The following CUBN variants were observed in gnomAD, a reference collection of about 807,000 sequenced individuals.
CUBN encodes the protein cubilin.
Under a neutral mutation model 405.3 loss-of-function variants are expected in CUBN, and 282 were observed. That is an observed-to-expected ratio of 0.70 (90% CI 0.63 to 0.77). The LOEUF (loss-of-function observed/expected upper bound fraction) is 0.77, where lower values mean the gene tolerates loss of function less well. CUBN is among the 30% of genes least tolerant of loss of function. The pLI, the probability that CUBN is intolerant of heterozygous loss-of-function variation, is 0.00. For synonymous variants in CUBN, 1,684 were observed against 1,617.0 expected (o/e 1.04, Z -0.99); for missense variants, 4,514 against 4,475.2 (o/e 1.01, Z -0.25).
chr10:17,055,044 C>T (rs1231899388), intron 22 of CUBN, among the ~76,000 whole-genome samples: 1 of 151,976 alleles, frequency 6.6e-6, no homozygotes, highest in Non-Finnish European at 1.5e-5. Flanking sequence ...AAAATTTTAG[C>T]ATAACAATTC....
intron 22 of CUBN, among the ~76,000 whole-genome samples, chr10:17,049,526 T>G (rs766939905): frequency 6.7e-4 from 102 of 152,288 alleles, no homozygotes; most frequent in Non-Finnish European, 1.3e-3. Flanking sequence ...ATGGGTAGTT[T>G]CCCTTTATCT....
intron 27 of CUBN, among the ~76,000 whole-genome samples, chr10:17,028,226 TTTA>T (rs57633202): frequency 0.52 from 75,367 of 143,826 alleles, 20,751 homozygotes; most frequent in East Asian, 0.78. Flanking sequence ...ACACTAAACA[TTTA>T]TTATTATTAT....
chr10:16,944,194 C>A (rs1011700480), intron 36 of CUBN, among the ~76,000 whole-genome samples: 2 of 152,286 alleles, frequency 1.3e-5, no homozygotes, highest in Middle Eastern at 3.4e-3. Flanking sequence ...GATTGCACTG[C>A]ACTTTGAATA....
chr10:16,914,908 TAA>T, intron 47 of CUBN, 122 bp downstream of exon 47: 6 of 843,738 alleles, frequency 7.1e-6, no homozygotes, highest in East Asian at 2.7e-5. Context: ...AATTTCTGAT[TAA>T]GGTCCAAGAA....
intron 29 of CUBN, among the ~76,000 whole-genome samples, chr10:16,989,800 G>A (rs1487283020): frequency 3.3e-5 from 5 of 152,162 alleles, no homozygotes; most frequent in South Asian, 2.1e-4. Flanking sequence ...TGGCCCTGGC[G>A]GCCCCTTGAA....
intron 60 of CUBN, among the ~76,000 whole-genome samples, chr10:16,850,025 G>A (rs1328195709): frequency 3.9e-5 from 6 of 152,162 alleles, no homozygotes; most frequent in East Asian, 3.9e-4. Flanking sequence ...GCCTCTTTAC[G>A]CTTTCGAGAA....
intron 54 of CUBN, among the ~76,000 whole-genome samples, chr10:16,893,317 T>G: frequency 6.6e-6 from 1 of 152,334 alleles, no homozygotes; most frequent in South Asian, 2.1e-4. Context: ...CTTGCAAAAC[T>G]GTAGTATACT....
At chr10:16,901,515 A>T (rs1447081573) in intron 51 of CUBN, 56 bp from the exon 52 acceptor site, 4 of 1,604,238 alleles carry the variant, frequency 2.5e-6, no homozygotes, top group Non-Finnish European at 3.4e-6. Flanking sequence ...AAGAACCGAT[A>T]ATGCCAAAGT....
chr10:16,987,691 G>A (rs1833465103), intron 29 of CUBN, among the ~76,000 whole-genome samples: 1 of 152,108 alleles, frequency 6.6e-6, no homozygotes, highest in African/African-American at 2.4e-5. Context: ...GCCCATCATG[G>A]GTAACAAACT....
At chr10:16,971,074 G>T (rs1003117197) in intron 31 of CUBN, among the ~76,000 whole-genome samples, 3 of 152,044 alleles carry the variant, frequency 2.0e-5, no homozygotes, top group Admixed American at 6.6e-5. Flanking sequence ...ATTTTCACTG[G>T]TATTTAAAGA....
chr10:17,045,139 G>A lies in CUBN; in HGVS notation c.3540C>T (p.Asn1180=), dbSNP rs779520618. 2 of 1,613,966 alleles carry A rather than the reference G, an allele frequency of 1.2e-6. No individual in the cohort carries two copies. Among genetic ancestry groups the A allele is most frequent in the Non-Finnish European group, 1.7e-6 (2 of 1,179,980 alleles). ...AGCTGTGGTAATAGGGCATCGGGTA[G>A]TTGGGAGATATGAACGTGCCGCTTG... ...TTSSGTFISP[N]YPMPYYHSSE... The change falls in exon 25 of 67, where the codon AAC becomes AAT. Residue 1180 remains asparagine, a synonymous_variant. Coordinates refer to ENST00000377833, the MANE Select transcript of CUBN (RefSeq NM_001081.4).
At chr10:17,108,144 G>A (rs1359832031) in intron 10 of CUBN, among the ~76,000 whole-genome samples, 46 of 152,172 alleles carry the variant, frequency 3.0e-4, no homozygotes, top group Admixed American at 3.0e-3. Context: ...TTTGTTACAA[G>A]CACTTTACAT....
Position 16,840,456 on chromosome 10 carries a change from T to C in CUBN, c.9906A>G (p.Pro3302=). The C allele has an allele frequency of 6.2e-7, 1 of 1,613,938 alleles. No individual in the cohort carries two copies. The highest frequency in any genetic ancestry group is 1.1e-5 in the South Asian group (1 of 91,052). ...CAATGACCCAAGTACAGATGGAAAA[T>C]GGGACATCTGGGTCTGATGAATTGG... is the stretch of plus-strand genomic sequence containing the variant. ...SSPNSSDPDV[P]FSICTWVIDS... is the part of the protein sequence containing the mutation. The change falls in exon 62 of 67, where the codon CCA becomes CCG. Residue 3302 remains proline, a synonymous_variant. Coordinates refer to ENST00000377833, the MANE Select transcript of CUBN (RefSeq NM_001081.4).
At chr10:16,994,455 A>G (rs1268545436) in intron 28 of CUBN, among the ~76,000 whole-genome samples, 1 of 152,208 alleles carries the variant, frequency 6.6e-6, no homozygotes, top group Non-Finnish European at 1.5e-5. Context: ...CTGGTAAGTT[A>G]CAAATAAGAA....
Position 16,824,979 on chromosome 10 carries a change from C to CT in CUBN, c.10867dup (p.Ser3623LysfsTer5). On this transcript the variant is annotated frameshift_variant, in exon 67 of 67. Transcript: ENST00000377833. LOFTEE classifies it high-confidence loss of function. The stretch of plus-strand genomic sequence containing the variant: ...TGAACACGAGTTGTTACCCACTTAG[C>CT]TGTCCCAAGTTAATCGGAATGCGGA... 1 of 1,611,890 alleles carries CT rather than the reference C, an allele frequency of 6.2e-7. No individual in the cohort carries two copies. Among genetic ancestry groups the CT allele is most frequent in the South Asian group, 1.1e-5 (1 of 91,028 alleles).
chr10:16,841,021 C>T lies in CUBN; in HGVS notation c.9690G>A (p.Ala3230=), dbSNP rs762325028. 2.3e-4 allele frequency: 367 copies of T among 1,613,940 alleles called. 1 individual carries two copies. Among genetic ancestry groups the T allele is most frequent in the Non-Finnish European group, 2.8e-4 (326 of 1,179,986 alleles). ...VKLYDGDSEN[A]NLAGTFCGST... ...AACCACAAAACGTTCCAGCCAAGTT[C>T]GCATTTTCACTATCCCCATCATATA... The change falls in exon 61 of 67, where the codon GCG becomes GCA. Residue 3230 remains alanine (A), a synonymous_variant. Transcript: ENST00000377833.
chr10:16,849,863 T>C (rs186683656), intron 60 of CUBN, among the ~76,000 whole-genome samples: 31 of 152,278 alleles, frequency 2.0e-4, no homozygotes, highest in African/African-American at 6.3e-4. Flanking sequence ...ACCTCACTCA[T>C]TGGAAAACCT....
At chr10:16,871,675 AT>A (rs1277100970) in intron 58 of CUBN, among the ~76,000 whole-genome samples, 3 of 152,154 alleles carry the variant, frequency 2.0e-5, no homozygotes, top group Admixed American at 2.0e-4. Context: ...CAACACATTT[AT>A]TTTTCACAAA....
Position 16,835,105 on chromosome 10 carries a change from G to A in CUBN, c.10271C>T (p.Thr3424Ile), listed in dbSNP as rs752660097. The A allele has an allele frequency of 6.2e-7, 1 of 1,614,116 alleles. No individual in the cohort carries two copies. The highest frequency in any genetic ancestry group is 1.1e-5 in the South Asian group (1 of 91,082). The change falls in exon 64 of 67, where the codon ACT becomes ATT. Residue 3424 changes from threonine (T) to isoleucine (I), a missense_variant. Transcript: ENST00000377833. ...GGTGTGGTTCTGGGGGGCTGTGAGA[G>A]TAACGGTGCAATCCTTGTCATTGTC... ...NYDNDKDCTV[T>I]LTAPQNHTIS...
Sources: gnomAD v4.1 joint callset for allele counts (sites outside exome capture counted in the v4.1 genomes callset) on GRCh38, gnomAD v4.1.1 for gene constraint, MANE v1.5 for transcripts, NCBI Gene and HGNC (gene_info 2026-07-23, HGNC 2026-07-21) for gene names.